The following TMEM232 variants were observed in gnomAD, a reference collection of about 807,000 sequenced individuals.
TMEM232 encodes transmembrane protein 232.
In TMEM232, 80 loss-of-function variants were observed where a neutral mutation model predicts 78.8. The observed-to-expected ratio is 1.01, with a 90% CI of 0.85 to 1.22. TMEM232 has a LOEUF of 1.22. TMEM232 is among the 50% of genes most tolerant of loss of function. The probability of loss-of-function intolerance (pLI) is 0.00; values close to 1 mark genes in which losing one functional copy is unlikely to be tolerated. For synonymous variants in TMEM232, 297 were observed against 254.3 expected (o/e 1.17, Z -1.60); for missense variants, 881 against 742.2 (o/e 1.19, Z -2.17).
At chr5:110,700,844 T>A (rs1464554098) in intron 1 of TMEM232, among the ~76,000 whole-genome samples, 1 of 149,742 alleles carries the variant, frequency 6.7e-6, no homozygotes, top group East Asian at 1.9e-4. Context: ...GAGAACAAAT[T>A]AAAGCATTAA....
At chr5:110,415,737 A>G (rs373807613), downstream of TMEM232, among the ~76,000 whole-genome samples, 40 of 152,144 alleles carry the variant, frequency 2.6e-4, 1 homozygote, top group East Asian at 3.9e-3. Flanking sequence ...CAGATTTTCT[A>G]TTTCTTCGTG....
At chr5:110,407,270 C>A (rs1755827145) in intron 2 of TMEM232, among the ~76,000 whole-genome samples, 1 of 151,926 alleles carries the variant, frequency 6.6e-6, no homozygotes, top group Non-Finnish European at 1.5e-5. Context: ...GATAAAGAAA[C>A]AAGACCTAAC....
At chr5:110,400,029 T>G (rs528276540) in intron 2 of TMEM232, among the ~76,000 whole-genome samples, 1 of 152,280 alleles carries the variant, frequency 6.6e-6, no homozygotes, top group East Asian at 1.9e-4. Flanking sequence ...GTTCCTGGCA[T>G]GTACATGCTT....
At chr5:110,422,190 G>A (rs149963087) in intron 13 of TMEM232, among the ~76,000 whole-genome samples, 1 of 152,024 alleles carries the variant, frequency 6.6e-6, no homozygotes, top group Non-Finnish European at 1.5e-5. Context: ...TAAACAAAGA[G>A]CACTAATCTA....
At position 110,723,908 on chromosome 5, in the gene TMEM232, A is replaced by C. The variant is rs116425194; in HGVS notation, c.-13+2719T>G. Among the ~76,000 whole-genome samples, 1,365 of 152,320 alleles carry C rather than the reference A, an allele frequency of 9.0e-3. 12 individuals are homozygous for C. The highest frequency in any genetic ancestry group is 0.014 in the Non-Finnish European group (938 of 68,026). On this transcript the variant is annotated intron_variant, in intron 1 of 13. Transcript: ENST00000455884. ...ATGATAGACATAAGAATGGTGATAG[A>C]GCAGTCACCTTGCTATCAAGAGATG...
intron 2 of TMEM232, among the ~76,000 whole-genome samples, chr5:110,654,798 T>C (rs1317691489): frequency 6.6e-6 from 1 of 152,226 alleles, no homozygotes; most frequent in Non-Finnish European, 1.5e-5. Context: ...TGTTCTTCCA[T>C]TTGTTTGTGT....
At chr5:110,578,929 C>G (rs578095619) in intron 10 of TMEM232, among the ~76,000 whole-genome samples, 262 of 151,868 alleles carry the variant, frequency 1.7e-3, no homozygotes, top group African/African-American at 5.9e-3. Flanking sequence ...CAGTGCTATA[C>G]AATTTAGAAA....
At chr5:110,597,793 G>A (rs1780358681) in intron 10 of TMEM232, among the ~76,000 whole-genome samples, 1 of 151,966 alleles carries the variant, frequency 6.6e-6, no homozygotes, top group African/African-American at 2.4e-5. Context: ...AATGGTGCTG[G>A]GAAAACTGGC....
At chr5:110,410,695 C>G (rs1755963675) in intron 2 of TMEM232, among the ~76,000 whole-genome samples, 1 of 152,226 alleles carries the variant, frequency 6.6e-6, no homozygotes, top group South Asian at 2.1e-4. Flanking sequence ...GGTATTGGGA[C>G]AGGATTTTCA....
intron 8 of TMEM232, among the ~76,000 whole-genome samples, chr5:110,617,281 T>C (rs1053327469): frequency 6.6e-6 from 1 of 152,136 alleles, no homozygotes; most frequent in Non-Finnish European, 1.5e-5. Flanking sequence ...GTAAGGAAGA[T>C]GGGCAAAAGA....
At chr5:110,469,798 C>CTGAT (rs1422557300) in intron 12 of TMEM232, among the ~76,000 whole-genome samples, 3 of 152,302 alleles carry the variant, frequency 2.0e-5, no homozygotes, top group East Asian at 1.9e-4. Context: ...CACGATTGCA[C>CTGAT]TGATAGAGCA....
At chr5:110,475,321 G>C (rs571202701) in intron 12 of TMEM232, among the ~76,000 whole-genome samples, 141 of 151,900 alleles carry the variant, frequency 9.3e-4, no homozygotes, top group African/African-American at 3.3e-3. Flanking sequence ...ATATCTATTA[G>C]GAAGAAAACT....
intron 3 of TMEM232, among the ~76,000 whole-genome samples, chr5:110,393,649 CTT>C (rs1358200284): frequency 1.3e-5 from 2 of 152,088 alleles, no homozygotes; most frequent in Non-Finnish European, 2.9e-5. Context: ...CAATTATACT[CTT>C]AGGTTATTTT....
intron 1 of TMEM232, among the ~76,000 whole-genome samples, chr5:110,720,372 A>G (rs1418884486): frequency 1.3e-5 from 2 of 152,118 alleles, no homozygotes; most frequent in Non-Finnish European, 2.9e-5. Context: ...CTCAGCCACA[A>G]TCACCAGGAA....
intron 1 of TMEM232, among the ~76,000 whole-genome samples, chr5:110,682,394 A>C (rs72773148): frequency 0.085 from 12,981 of 152,012 alleles, 582 homozygotes; most frequent in Admixed American, 0.12. Flanking sequence ...TTAAAAAAAA[A>C]ACAACAATTA....
At chr5:110,622,003 T>C (rs970684201) in intron 7 of TMEM232, among the ~76,000 whole-genome samples, 3 of 152,310 alleles carry the variant, frequency 2.0e-5, no homozygotes, top group African/African-American at 7.2e-5. Context: ...AAGCATGGGC[T>C]CTATTTTGGC....
intron 12 of TMEM232, among the ~76,000 whole-genome samples, chr5:110,495,682 A>G (rs537342721): frequency 3.5e-4 from 53 of 151,848 alleles, no homozygotes; most frequent in Non-Finnish European, 3.7e-4. Context: ...ATTGAATAAA[A>G]TATTTTCTTT....
At chr5:110,522,738 G>A (rs547631259) in intron 12 of TMEM232, among the ~76,000 whole-genome samples, 10 of 152,174 alleles carry the variant, frequency 6.6e-5, no homozygotes, top group Admixed American at 1.3e-4. Flanking sequence ...ATGTTGAACC[G>A]TCCTCCTTGC....
In TMEM232 at chr5:110,528,827, T is replaced by C. The variant is rs1216851656; in HGVS notation, c.1464A>G (p.Leu488=). ...QNAINIAQAE[L]NDPTDPFTRY... ...TAGTGAAAGGATCAGTTGGGTCATT[T>C]AACTCAGCCTGTTGAAAGAAAAGAG... The change falls in exon 12 of 14, where the codon TTA becomes TTG. Residue 488 remains leucine (L), a synonymous_variant. Coordinates refer to ENST00000455884, the MANE Select transcript of TMEM232 (RefSeq NM_001039763.4). 9.7e-6 allele frequency: 14 copies of C among 1,449,272 alleles called. No homozygotes were observed. The highest frequency in any genetic ancestry group is 1.4e-5 in the African/African-American group (1 of 70,588). The allele number at this position is 1,449,272 out of a possible 1,614,324, so 89.8% of individuals were successfully genotyped here.
Sources: gnomAD v4.1 joint callset for allele counts (sites outside exome capture counted in the v4.1 genomes callset) on GRCh38, gnomAD v4.1.1 for gene constraint, MANE v1.5 for transcripts, NCBI Gene and HGNC (gene_info 2026-07-23, HGNC 2026-07-21) for gene names.